The following HMCN1 variants were observed in gnomAD, a reference collection of about 807,000 sequenced individuals.
HMCN1 encodes the protein hemicentin 1.
HMCN1 carries 321 observed loss-of-function variants against 625.9 expected under a neutral mutation model. The ratio of observed to expected loss-of-function variants is 0.51; its 90% CI spans 0.47 to 0.56. HMCN1 has a LOEUF of 0.56. HMCN1 is among the 20% of genes least tolerant of loss of function. The pLI, the probability that HMCN1 is intolerant of heterozygous loss-of-function variation, is 0.00. For missense variants in HMCN1, 6,588 were observed against 6,887.3 expected (o/e 0.96, Z 1.54); for synonymous variants, 2,425 against 2,417.6 (o/e 1.00, Z -0.09).
Position 186,000,059 on chromosome 1 carries a change from A to G in HMCN1, c.3889A>G (p.Thr1297Ala). Residue 1297 changes from threonine (T) to alanine (A), a missense_variant, in exon 26 of 107, where the codon ACC becomes GCC. Thr to Ala is a moderately conservative substitution (Grantham distance 58, BLOSUM62 0). Around this residue, in one of 3 missense-constraint regions of HMCN1, gnomAD observed 4,628 missense variants for 4,853.1 expected, o/e 0.95. Transcript: ENST00000271588. ...TTCTTATTTAGGTACCCCTAAACCA[A>G]CCATCAAATGGTTACACAATGGTAG... ...PCPAKGTPKP[T>A]IKWLHNGREL... 6.2e-7 allele frequency: 1 copy of G among 1,612,344 alleles called. No individual in the cohort carries two copies. The highest frequency in any genetic ancestry group is 1.1e-5 in the South Asian group (1 of 90,874).
chr1:185,981,340 A>G (rs997170912), intron 17 of HMCN1, among the ~76,000 whole-genome samples: 8 of 152,084 alleles, frequency 5.3e-5, no homozygotes, highest in African/African-American at 1.9e-4. Flanking sequence ...ACACACACAC[A>G]CACACACATA....
chr1:185,803,560 A>G (rs1436265382), intron 1 of HMCN1, among the ~76,000 whole-genome samples: 1 of 152,086 alleles, frequency 6.6e-6, no homozygotes, highest in African/African-American at 2.4e-5. Context: ...AGTCTCTAAC[A>G]AAAGATATTC....
intron 24 of HMCN1, among the ~76,000 whole-genome samples, chr1:185,996,538 G>C (rs74134271): frequency 0.041 from 6,310 of 152,208 alleles, 448 homozygotes; most frequent in African/African-American, 0.14. Flanking sequence ...CGTTGGGAAA[G>C]TGATGTGGCA....
intron 42 of HMCN1, among the ~76,000 whole-genome samples, chr1:186,051,926 G>T (rs1656977948): frequency 6.6e-6 from 1 of 151,944 alleles, no homozygotes; most frequent in Non-Finnish European, 1.5e-5. Flanking sequence ...ACTTACAGGA[G>T]AAATGTTCTA....
intron 68 of HMCN1, among the ~76,000 whole-genome samples, chr1:186,100,081 G>A (rs1452329458): frequency 6.6e-6 from 1 of 151,962 alleles, no homozygotes; most frequent in Non-Finnish European, 1.5e-5. Flanking sequence ...AGAGCGGGGA[G>A]AAAGAACTCA....
intron 1 of HMCN1, among the ~76,000 whole-genome samples, chr1:185,795,622 T>C (rs1290419407): frequency 6.6e-6 from 1 of 152,230 alleles, no homozygotes; most frequent in African/African-American, 2.4e-5. Context: ...ACATGACCTC[T>C]GTTTACATTG....
At chr1:186,111,722 AT>A (rs1660897861) in intron 71 of HMCN1, among the ~76,000 whole-genome samples, 1 of 152,218 alleles carries the variant, frequency 6.6e-6, no homozygotes, top group South Asian at 2.1e-4. Context: ...AAAAAATAAA[AT>A]ATTTTTTATA....
At chr1:186,113,044 G>A in intron 72 of HMCN1, 91 bp downstream of exon 72, 1 of 1,446,256 alleles carries the variant, frequency 6.9e-7, no homozygotes, top group Non-Finnish European at 9.6e-7. Context: ...CATACTAAAT[G>A]AAGCCTTGTG....
chr1:186,106,164 G>C (rs1660597635), intron 69 of HMCN1, among the ~76,000 whole-genome samples: 2 of 152,092 alleles, frequency 1.3e-5, no homozygotes, highest in African/African-American at 4.8e-5. Flanking sequence ...GGATTTTTCT[G>C]TTTTTCCAAA....
At chr1:186,181,620 A>T (rs975495512) in intron 104 of HMCN1, among the ~76,000 whole-genome samples, 2 of 152,232 alleles carry the variant, frequency 1.3e-5, no homozygotes, top group South Asian at 2.1e-4. Context: ...TGAATTGTAT[A>T]AAAAAAGAGT....
At chr1:186,072,586 A>G (rs754773724) in intron 52 of HMCN1, among the ~76,000 whole-genome samples, 5 of 152,186 alleles carry the variant, frequency 3.3e-5, no homozygotes, top group Non-Finnish European at 5.9e-5. Context: ...ACTCAATATG[A>G]GAGAAGGAAA....
intron 4 of HMCN1, among the ~76,000 whole-genome samples, chr1:185,902,042 A>T (rs1665833214): frequency 6.6e-6 from 1 of 151,664 alleles, no homozygotes. Flanking sequence ...TAGTCATTAA[A>T]AATTAAAAAT....
chr1:185,905,735 T>C (rs573663790), intron 4 of HMCN1, among the ~76,000 whole-genome samples: 7 of 151,972 alleles, frequency 4.6e-5, no homozygotes, highest in African/African-American at 1.4e-4. Flanking sequence ...TAAGCATTGG[T>C]TATAGCATGG....
chr1:185,895,610 C>T (rs1665438641), intron 4 of HMCN1, among the ~76,000 whole-genome samples: 1 of 152,190 alleles, frequency 6.6e-6, no homozygotes, highest in South Asian at 2.1e-4. Context: ...CACAATGTTT[C>T]ATTTACAAAA....
At chr1:185,868,305 C>T (rs755457279) in intron 4 of HMCN1, among the ~76,000 whole-genome samples, 2 of 152,164 alleles carry the variant, frequency 1.3e-5, no homozygotes, top group Admixed American at 6.5e-5. Flanking sequence ...AGCCCTAGAG[C>T]GTTTATTAAA....
chr1:186,113,906 A>T, intron 72 of HMCN1, 73 bp from the exon 73 acceptor site: 1 of 1,511,010 alleles, frequency 6.6e-7, no homozygotes, highest in Non-Finnish European at 9.2e-7. Flanking sequence ...ATCTTATATT[A>T]CATCTTCAGG....
At chr1:185,735,269 C>T (rs1653479563) in intron 1 of HMCN1, among the ~76,000 whole-genome samples, 1 of 152,182 alleles carries the variant, frequency 6.6e-6, no homozygotes, top group Admixed American at 6.5e-5. Flanking sequence ...GGAACTTGTA[C>T]TGTGGTCCTC....
intron 50 of HMCN1, among the ~76,000 whole-genome samples, chr1:186,069,446 T>A (rs1323311116): frequency 6.6e-6 from 1 of 152,012 alleles, no homozygotes; most frequent in Non-Finnish European, 1.5e-5. Context: ...AGCATGAGAG[T>A]CATCACCACA....
intron 50 of HMCN1, among the ~76,000 whole-genome samples, chr1:186,068,594 G>A (rs1432841716): frequency 6.6e-6 from 1 of 152,072 alleles, no homozygotes; most frequent in Non-Finnish European, 1.5e-5. Flanking sequence ...GAAGCTGGGT[G>A]CGGTGGCTCA....
Sources: gnomAD v4.1 joint callset for allele counts (sites outside exome capture counted in the v4.1 genomes callset) on GRCh38, gnomAD v4.1.1 for gene constraint, gnomAD v4.1.1 regional missense constraint, MANE v1.5 for transcripts, NCBI Gene and HGNC (gene_info 2026-07-23, HGNC 2026-07-21) for gene names.